MDGA2: variants seen among roughly 807,000 people sequenced by gnomAD.
MDGA2 encodes the protein MAM domain-containing glycosylphosphatidylinositol anchor protein 2.
In MDGA2, 40 loss-of-function variants were observed where a neutral mutation model predicts 117.8. The ratio of observed to expected loss-of-function variants is 0.34; its 90% CI spans 0.26 to 0.44. The LOEUF (loss-of-function observed/expected upper bound fraction) is 0.44, where lower values mean the gene tolerates loss of function less well. MDGA2 is among the 20% of genes least tolerant of loss of function. The pLI is 1.00. For missense variants in MDGA2, 1,123 were observed against 1,250.6 expected, an observed-to-expected ratio of 0.90 and a Z score of 1.54; for synonymous variants, 452 against 439.0, an observed-to-expected ratio of 1.03 and a Z score of -0.37.
intron 7 of MDGA2, among the ~76,000 whole-genome samples, chr14:47,052,111 T>C (rs1333456180): frequency 6.6e-6 from 1 of 151,928 alleles, no homozygotes; most frequent in Non-Finnish European, 1.5e-5. Context: ...TGTTATCATT[T>C]TAAATGCAAA....
chr14:47,381,288 T>G (rs1891618840), intron 1 of MDGA2, among the ~76,000 whole-genome samples: 1 of 152,180 alleles, frequency 6.6e-6, no homozygotes, highest in South Asian at 2.1e-4. Flanking sequence ...GCATTCCCTT[T>G]GAAAACTGGC....
intron 3 of MDGA2, among the ~76,000 whole-genome samples, chr14:47,189,596 C>A (rs2139400478): frequency 6.6e-6 from 1 of 152,182 alleles, no homozygotes; most frequent in East Asian, 1.9e-4. Flanking sequence ...AACAAAAATG[C>A]TGTCATTGAT....
intron 14 of MDGA2, among the ~76,000 whole-genome samples, chr14:46,864,545 GTTTTTTTT>G (rs71112467): frequency 0.028 from 1,444 of 51,462 alleles, 17 homozygotes; most frequent in African/African-American, 0.05. Context: ...AGATATTGCT[GTTTTTTTT>G]TTTTTTTTTT....
chr14:47,011,288 C>T (rs1262442142), intron 8 of MDGA2, among the ~76,000 whole-genome samples: 1 of 151,960 alleles, frequency 6.6e-6, no homozygotes, highest in African/African-American at 2.4e-5. Flanking sequence ...AATTCATGAA[C>T]ATTACATAAA....
intron 5 of MDGA2, among the ~76,000 whole-genome samples, chr14:47,120,664 C>T (rs1306827617): frequency 1.3e-5 from 2 of 152,006 alleles, no homozygotes; most frequent in Non-Finnish European, 2.9e-5. Flanking sequence ...AAATAATTGC[C>T]ACAACTGCAG....
intron 1 of MDGA2, among the ~76,000 whole-genome samples, chr14:47,466,723 A>G (rs1893612067): frequency 6.6e-6 from 1 of 152,112 alleles, no homozygotes; most frequent in African/African-American, 2.4e-5. Flanking sequence ...TCTGAAATAG[A>G]TGTTTAGAGC....
rs369780081 is a variant in MDGA2 at position 47,594,230 on chromosome 14, G to C, written c.280+80287C>G. ...TTGTGTAGGACAAACATTAGAGTAGGTGGTCATACTGTTAAAGACCCAGTT... is the reference window on the plus strand; with the variant it reads ...TTGTGTAGGACAAACATTAGAGTAGCTGGTCATACTGTTAAAGACCCAGTT... On this transcript the variant is annotated intron_variant, in intron 1 of 16. Coordinates refer to ENST00000399232, the MANE Select transcript of MDGA2 (RefSeq NM_001113498.3). Among the ~76,000 whole-genome samples, 28 of 152,118 alleles carry C rather than the reference G, an allele frequency of 1.8e-4. 2 individuals are homozygous for C. Among genetic ancestry groups the C allele is most frequent in the Admixed American group, 9.8e-4 (15 of 15,254 alleles).
chr14:47,400,385 C>A (rs1892108515), intron 1 of MDGA2, among the ~76,000 whole-genome samples: 1 of 152,040 alleles, frequency 6.6e-6, no homozygotes, highest in Admixed American at 6.6e-5. Context: ...ACTATTTATA[C>A]AGAATAAACA....
intron 1 of MDGA2, among the ~76,000 whole-genome samples, chr14:47,610,077 C>G (rs1896820105): frequency 6.6e-6 from 1 of 151,996 alleles, no homozygotes; most frequent in Admixed American, 6.6e-5. Flanking sequence ...ATCACATGAT[C>G]ATCTCAATAG....
At chr14:47,616,409 AAAG>A (rs1323283475) in intron 1 of MDGA2, among the ~76,000 whole-genome samples, 6 of 152,216 alleles carry the variant, frequency 3.9e-5, no homozygotes, top group African/African-American at 1.4e-4. Context: ...AATGCCAAAA[AAAG>A]AAGAAGACCT....
chr14:47,024,825 G>A (rs113674986), intron 8 of MDGA2, among the ~76,000 whole-genome samples: 20 of 152,188 alleles, frequency 1.3e-4, no homozygotes, highest in African/African-American at 4.1e-4. Context: ...GTCCTGAGGT[G>A]TCCTTTTGAA....
intron 1 of MDGA2, among the ~76,000 whole-genome samples, chr14:47,411,555 G>C (rs570887972): frequency 7.2e-5 from 11 of 152,094 alleles, no homozygotes; most frequent in Non-Finnish European, 1.2e-4. Context: ...GGATCATAAC[G>C]GTTGGCCTTG....
rs573225349 is a variant in MDGA2 at position 47,182,921 on chromosome 14, C to T, written c.595+35100G>A. The stretch of plus-strand genomic sequence containing the variant: ...TTCTCAGGTGTGTTCTCACTCTTTA[C>T]AGAAACTCAATTCAATTTAATTCAC... On this transcript the variant is annotated intron_variant, in intron 3 of 16. Coordinates refer to ENST00000399232, the MANE Select transcript of MDGA2 (RefSeq NM_001113498.3). 5.9e-5 allele frequency among the ~76,000 whole-genome samples: 9 copies of T among 152,118 alleles called. No homozygotes were observed. The East Asian group carries it at 1.7e-3, about 29-fold the overall frequency.
At chr14:46,994,083 T>C (rs780503691) in intron 8 of MDGA2, among the ~76,000 whole-genome samples, 18 of 152,124 alleles carry the variant, frequency 1.2e-4, no homozygotes, top group Non-Finnish European at 2.4e-4. Flanking sequence ...ATCATACCTA[T>C]ATAATGGACC....
At chr14:47,586,650 G>C (rs1172028482) in intron 1 of MDGA2, among the ~76,000 whole-genome samples, 1 of 151,896 alleles carries the variant, frequency 6.6e-6, no homozygotes, top group Non-Finnish European at 1.5e-5. Context: ...TCATTTGGCA[G>C]TGGTTGAGGG....
intron 8 of MDGA2, among the ~76,000 whole-genome samples, chr14:46,965,744 G>A (rs529507183): frequency 9.2e-5 from 14 of 152,138 alleles, no homozygotes; most frequent in African/African-American, 3.4e-4. Context: ...TGAAAATTTC[G>A]AATATGATGA....
intron 9 of MDGA2, among the ~76,000 whole-genome samples, chr14:46,924,259 G>A (rs751779498): frequency 6.6e-6 from 1 of 151,726 alleles, no homozygotes; most frequent in Admixed American, 6.6e-5. Flanking sequence ...TTGCAAAATG[G>A]TTTTGAAAAA....
At chr14:47,012,531 A>C (rs1224742763) in intron 8 of MDGA2, among the ~76,000 whole-genome samples, 1 of 152,190 alleles carries the variant, frequency 6.6e-6, no homozygotes, top group East Asian at 1.9e-4. Context: ...GGCTTAAATA[A>C]ACACAAAACC....
At chr14:47,117,171 A>C (rs1881376105) in intron 5 of MDGA2, among the ~76,000 whole-genome samples, 1 of 152,140 alleles carries the variant, frequency 6.6e-6, no homozygotes, top group South Asian at 2.1e-4. Flanking sequence ...TCAGTGTTAC[A>C]AATCATAAAG....
Sources: allele counts gnomAD v4.1 joint callset (sites outside exome capture counted in the v4.1 genomes callset), GRCh38; gene constraint gnomAD v4.1.1; transcripts MANE v1.5; gene names NCBI Gene and HGNC (gene_info 2026-07-23, HGNC 2026-07-21).